The following LIPC variants were observed in gnomAD, a reference collection of about 807,000 sequenced individuals.
The protein encoded by LIPC is lipase C, hepatic type.
A neutral mutation model predicts 50.7 loss-of-function variants in LIPC; 44 were observed. That is an observed-to-expected ratio of 0.87 (90% CI 0.68 to 1.11). The LOEUF is 1.11. Among genes scored for constraint, LIPC ranks in the 50% most tolerant of loss-of-function variants. The pLI, the probability that LIPC is intolerant of heterozygous loss-of-function variation, is 0.00. For missense variants in LIPC, 697 were observed against 648.2 expected (o/e 1.08, Z -0.82); for synonymous variants, 271 against 256.4 (o/e 1.06, Z -0.54).
chr15:58,531,769 A>C (rs1269159383), intron 1 of LIPC, among the ~76,000 whole-genome samples: 6 of 152,194 alleles, frequency 3.9e-5, no homozygotes, highest in African/African-American at 1.4e-4. Context: ...AATGCAAAAA[A>C]TGATGGGAAG....
intron 1 of LIPC, among the ~76,000 whole-genome samples, chr15:58,479,875 G>A (rs557373052): frequency 6.6e-6 from 1 of 152,200 alleles, no homozygotes; most frequent in South Asian, 2.1e-4. Flanking sequence ...CCCCCAGCTT[G>A]ACCACTCACT....
intron 1 of LIPC, among the ~76,000 whole-genome samples, chr15:58,530,244 G>C (rs771150143): frequency 6.6e-6 from 1 of 152,170 alleles, no homozygotes; most frequent in Non-Finnish European, 1.5e-5. Flanking sequence ...GGCCATCTCC[G>C]GCCTGAAGGA....
intron 1 of LIPC, among the ~76,000 whole-genome samples, chr15:58,526,265 G>A (rs545467779): frequency 2.6e-5 from 4 of 152,370 alleles, no homozygotes; most frequent in Admixed American, 2.6e-4. Flanking sequence ...GGGAGGCTGT[G>A]AGGATGAGTG....
chr15:58,557,377 C>CTCTT (rs1893987978), intron 6 of LIPC, among the ~76,000 whole-genome samples: 1 of 45,482 alleles, frequency 2.2e-5, no homozygotes, highest in Non-Finnish European at 4.6e-5. Flanking sequence ...CCATTATATG[C>CTCTT]TCTTTTTTTT....
Position 58,509,199 on chromosome 15 carries a change from G to A in LIPC, c.89-29134G>A, listed in dbSNP as rs541473193. 7.4e-4 allele frequency among the ~76,000 whole-genome samples: 113 copies of A among 152,304 alleles called. 1 individual carries two copies. The highest frequency in any genetic ancestry group is 8.8e-5 in the Non-Finnish European group (6 of 68,024). ...CAATCCACTGTGAATGGTTTAGATA[G>A]AATAGAATCCATCAATGTCACCAGC... On this transcript the variant is annotated intron_variant, in intron 1 of 8. Transcript: ENST00000299022.
chr15:58,516,824 T>C (rs1892501919), intron 1 of LIPC, among the ~76,000 whole-genome samples: 1 of 152,242 alleles, frequency 6.6e-6, no homozygotes, highest in Admixed American at 6.5e-5. Flanking sequence ...TTTTGATTGA[T>C]TGATTTTTCT....
At chr15:58,482,631 G>A (rs1423408851) in intron 1 of LIPC, among the ~76,000 whole-genome samples, 2 of 152,156 alleles carry the variant, frequency 1.3e-5, no homozygotes, top group Admixed American at 1.3e-4. Context: ...CCATGGCTGG[G>A]ACCAATCCTC....
At chr15:58,561,662 A>C (rs1010750886) in intron 7 of LIPC, among the ~76,000 whole-genome samples, 1 of 152,218 alleles carries the variant, frequency 6.6e-6, no homozygotes, top group Non-Finnish European at 1.5e-5. Context: ...CTTTCAAAAT[A>C]TGTCAAAGAA....
At chr15:58,483,164 A>G (rs1197500523) in intron 1 of LIPC, among the ~76,000 whole-genome samples, 1 of 152,214 alleles carries the variant, frequency 6.6e-6, no homozygotes, top group African/African-American at 2.4e-5. Context: ...TATTTAAAAT[A>G]TCTCTAGTTC....
chr15:58,471,336 G>GGGGC lies in LIPC; in HGVS notation c.88+39217_88+39218insGGCG, dbSNP rs35752762. Among the ~76,000 whole-genome samples the GGGGC allele has an allele frequency of 7.9e-3, 1,069 of 135,060 alleles. 37 individuals are homozygous for GGGGC. The highest frequency in any genetic ancestry group is 0.023 in the Admixed American group (319 of 14,028). 88.6% of individuals were successfully genotyped at this position (135,060 alleles called of 152,430 possible). ...TGTATTTTTAGTAGAGATGGGGGGG[G>GGGGC]GTGGTCTCACCATGTTGGCCAAGCT... On this transcript the variant is annotated intron_variant, in intron 1 of 8. Transcript: ENST00000299022.
At chr15:58,457,062 C>A (rs746416750) in intron 1 of LIPC, among the ~76,000 whole-genome samples, 1 of 152,214 alleles carries the variant, frequency 6.6e-6, no homozygotes, top group Non-Finnish European at 1.5e-5. Flanking sequence ...AAGGCCAAAA[C>A]AGCACTGGGC....
At chr15:58,567,933 C>A (rs1457630893) in intron 8 of LIPC, among the ~76,000 whole-genome samples, 3 of 152,214 alleles carry the variant, frequency 2.0e-5, no homozygotes, top group Non-Finnish European at 4.4e-5. Context: ...TTTGAATTTT[C>A]AAGAATGCAT....
chr15:58,545,838 C>T lies in LIPC; in HGVS notation c.671C>T (p.Thr224Ile), dbSNP rs1203977558. ...TTTGTGGATGCCATTCATACCTTTA[C>T]CCGGGAGCACATGGGCCTGAGCGTG... Reference protein sequence around the residue: ...ANFVDAIHTFTREHMGLSVGI... With the variant: ...ANFVDAIHTFIREHMGLSVGI... Residue 224 changes from threonine to isoleucine, a missense_variant, in exon 5 of 9, where the codon ACC (threonine) becomes ATC (isoleucine). Physicochemically the swap from Thr to Ile is moderately conservative, Grantham distance 89. Coordinates refer to ENST00000299022, the MANE Select transcript of LIPC (RefSeq NM_000236.3). 12 of 1,614,068 alleles carry T rather than the reference C, an allele frequency of 7.4e-6. No individual in the cohort carries two copies. The African/African-American group carries it at 9.3e-5, about 13-fold the overall frequency.
chr15:58,449,763 C>G (rs1378960193), intron 1 of LIPC, among the ~76,000 whole-genome samples: 3 of 152,158 alleles, frequency 2.0e-5, no homozygotes, highest in East Asian at 1.9e-4. Context: ...TGGTCTTGAA[C>G]TCCTGACTTC....
At chr15:58,446,676 CTGCT>C (rs1455980242) in intron 1 of LIPC, among the ~76,000 whole-genome samples, 1 of 152,126 alleles carries the variant, frequency 6.6e-6, no homozygotes, top group Non-Finnish European at 1.5e-5. Context: ...ACCCAGCTAT[CTGCT>C]TGCACACCTC....
At chr15:58,513,360 G>C (rs1892391550) in intron 1 of LIPC, among the ~76,000 whole-genome samples, 1 of 152,208 alleles carries the variant, frequency 6.6e-6, no homozygotes, top group Non-Finnish European at 1.5e-5. Flanking sequence ...CTCTGCACCA[G>C]CTCAAACCTT....
Position 58,567,214 on chromosome 15 carries a change from AAT to A in LIPC, c.1389-1487_1389-1486del, listed in dbSNP as rs1222316864. 1.7e-4 allele frequency among the ~76,000 whole-genome samples: 23 copies of A among 136,738 alleles called. 2 individuals carry two copies. The highest frequency in any genetic ancestry group is 6.0e-4 in the African/African-American group (22 of 36,840). The allele number at this position is 136,738 out of a possible 152,430, so 89.7% of individuals were successfully genotyped here. ...AGACTCCGTCTCAAAAAAAATAAAA[AAT>A]ATATATATATATATGTATATATGTG... is the stretch of plus-strand genomic sequence containing the variant. On this transcript the variant is annotated intron_variant, in intron 8 of 8. Coordinates refer to ENST00000299022, the MANE Select transcript of LIPC (RefSeq NM_000236.3).
chr15:58,466,418 G>C (rs543346887), intron 1 of LIPC, among the ~76,000 whole-genome samples: 2 of 152,312 alleles, frequency 1.3e-5, no homozygotes, highest in African/African-American at 4.8e-5. Flanking sequence ...AGTAGTTATA[G>C]AACCTTGAAC....
intron 1 of LIPC, among the ~76,000 whole-genome samples, chr15:58,531,188 C>T (rs1045430675): frequency 1.5e-4 from 23 of 152,142 alleles, no homozygotes; most frequent in African/African-American, 7.2e-5. Context: ...AGTGATATTC[C>T]GTTGTGTTTT....
Sources: allele counts gnomAD v4.1 joint callset (sites outside exome capture counted in the v4.1 genomes callset), GRCh38; gene constraint gnomAD v4.1.1; transcripts MANE v1.5; gene names NCBI Gene and HGNC (gene_info 2026-07-23, HGNC 2026-07-21).